COL14A1: variants seen among roughly 807,000 people sequenced by gnomAD.
The protein encoded by COL14A1 is collagen alpha-1(XIV) chain.
Under a neutral mutation model 230.3 loss-of-function variants are expected in COL14A1, and 136 were observed. The observed-to-expected ratio is 0.59, with a 90% CI of 0.51 to 0.68. COL14A1 has a LOEUF of 0.68. COL14A1 is among the 30% of genes least tolerant of loss of function. The pLI is 0.00. For missense variants in COL14A1, 1,976 were observed against 2,215.8 expected, an observed-to-expected ratio of 0.89 and a Z score of 2.17; for synonymous variants, 792 against 784.1, an observed-to-expected ratio of 1.01 and a Z score of -0.17.
rs763142481 is a variant in COL14A1, at chr8:120,345,427, A to T, written c.4941A>T (p.Ser1647=). 4 of 1,599,046 alleles carry T rather than the reference A, an allele frequency of 2.5e-6. No individual in the cohort carries two copies. In the South Asian group the frequency reaches 4.5e-5, roughly 18 times the overall value. Reference sequence around the variant, plus strand: ...TCAACCAGATTCCCAGCCACTCCTCATCCATCCGGACTGTCCAAGGGCCTC... The same window carrying T: ...TCAACCAGATTCCCAGCCACTCCTCTTCCATCCGGACTGTCCAAGGGCCTC... ...AILNQIPSHS[S]SIRTVQGPPG... is the part of the protein sequence containing the mutation. Residue 1647 remains serine, a synonymous_variant, in exon 45 of 48, where the codon TCA becomes TCT. Transcript: ENST00000297848.
At chr8:120,327,721 A>T (rs1821728208) in intron 40 of COL14A1, among the ~76,000 whole-genome samples, 1 of 152,150 alleles carries the variant, frequency 6.6e-6, no homozygotes, top group African/African-American at 2.4e-5. Context: ...TGTGATAAGT[A>T]GAGCAGGAAC....
chr8:120,202,989 A>AACATAT (rs1817299671), intron 8 of COL14A1, among the ~76,000 whole-genome samples: 1 of 106,554 alleles, frequency 9.4e-6, no homozygotes, highest in South Asian at 3.5e-4. Context: ...AATAATTTCA[A>AACATAT]ATATATATAT....
chr8:120,256,582 A>G (rs1036285759), intron 23 of COL14A1, among the ~76,000 whole-genome samples: 1 of 152,170 alleles, frequency 6.6e-6, no homozygotes, highest in Non-Finnish European at 1.5e-5. Context: ...TGGGAGTGGT[A>G]TTAACCTGGA....
intron 45 of COL14A1, among the ~76,000 whole-genome samples, chr8:120,353,834 G>A (rs1274004182): frequency 6.6e-6 from 1 of 151,848 alleles, no homozygotes; most frequent in African/African-American, 2.4e-5. Flanking sequence ...TCGGTGTGGC[G>A]ATTCCTCAGG....
rs905285789 is a variant in COL14A1, at chr8:120,314,145, A to G, written c.4551+118A>G. 2.6e-4 allele frequency: 178 copies of G among 678,596 alleles called. No homozygotes were observed. In the African/African-American group the frequency reaches 3.0e-3, roughly 11 times the overall value. The allele number at this position is 678,596 out of a possible 1,614,324, so 42.0% of individuals were successfully genotyped here. A position where few individuals can be genotyped will look rare whatever the true frequency, so the allele number is the denominator to read the frequency against. The stretch of plus-strand genomic sequence containing the variant: ...ATGAACCTCAGTCCCTTTGAAAGCA[A>G]TGATGGAGTGTCATTTCACTAGTTG... On this transcript the variant is annotated intron_variant, in intron 38 of 47. Transcript: ENST00000297848.
At chr8:120,340,655 G>A (rs7823806) in intron 42 of COL14A1, among the ~76,000 whole-genome samples, 67,131 of 152,066 alleles carry the variant, frequency 0.44, 15,005 homozygotes, top group African/African-American at 0.53. Context: ...CCCTGAAAAT[G>A]CCATTTTTAA....
chr8:120,316,459 C>A (rs551412658), intron 40 of COL14A1, among the ~76,000 whole-genome samples: 1 of 151,998 alleles, frequency 6.6e-6, no homozygotes, highest in African/African-American at 2.4e-5. Flanking sequence ...GACAGTAGTA[C>A]AATAAAGTAT....
chr8:120,344,147 T>C (rs1269243380), intron 44 of COL14A1, among the ~76,000 whole-genome samples: 1 of 152,202 alleles, frequency 6.6e-6, no homozygotes, highest in African/African-American at 2.4e-5. Context: ...AGGCCCTGCC[T>C]GTCAATATAC....
intron 12 of COL14A1, among the ~76,000 whole-genome samples, chr8:120,211,765 A>T (rs1817621847): frequency 6.6e-6 from 1 of 152,070 alleles, no homozygotes; most frequent in African/African-American, 2.4e-5. Flanking sequence ...TAGATTGGAG[A>T]TTTATTTTTT....
chr8:120,245,170 A>G (rs1818725227), intron 20 of COL14A1, among the ~76,000 whole-genome samples: 1 of 152,066 alleles, frequency 6.6e-6, no homozygotes, highest in Non-Finnish European at 1.5e-5. Context: ...TGGCCACCCC[A>G]TGCAAAGTAG....
At chr8:120,150,505 T>G (rs1264951369) in intron 2 of COL14A1, among the ~76,000 whole-genome samples, 1 of 152,176 alleles carries the variant, frequency 6.6e-6, no homozygotes, top group African/African-American at 2.4e-5. Flanking sequence ...AAATCAAGTT[T>G]CTTGATGGAG....
rs539481306 is a variant in COL14A1, at chr8:120,302,482, A to G, written c.4401+1664A>G. Among the ~76,000 whole-genome samples the G allele has an allele frequency of 5.3e-5, 8 of 152,206 alleles. No individual in the cohort carries two copies. The South Asian group carries it at 1.7e-3, about 32-fold the overall frequency. Reference sequence around the variant, plus strand: ...ATGGCTAGCCAGTTATCCCAGTACCATTATTGAATAGGGAATCCTTTCTCC... The same window carrying G: ...ATGGCTAGCCAGTTATCCCAGTACCGTTATTGAATAGGGAATCCTTTCTCC... On this transcript the variant is annotated intron_variant, in intron 36 of 47. Transcript: ENST00000297848.
In COL14A1 at chr8:120,371,429, A is replaced by C; in HGVS notation, c.*198A>C. 2.5e-6 allele frequency: 1 copy of C among 394,096 alleles called. No individual in the cohort carries two copies. The highest frequency in any genetic ancestry group is 4.5e-6 in the Non-Finnish European group (1 of 224,696). 24.4% of individuals were successfully genotyped at this position (394,096 alleles called of 1,614,324 possible). The stretch of plus-strand genomic sequence containing the variant: ...TATTTTTAAAAAGTTCCCTTAATCT[A>C]TGACATGGTAGCAATGATTTCCCTT... On this transcript the variant is annotated 3_prime_UTR_variant, in exon 48 of 48. Coordinates refer to ENST00000297848, the MANE Select transcript of COL14A1 (RefSeq NM_021110.4).
intron 20 of COL14A1, among the ~76,000 whole-genome samples, chr8:120,245,563 C>CT (rs1818735622): frequency 6.6e-6 from 1 of 152,046 alleles, no homozygotes; most frequent in Non-Finnish European, 1.5e-5. Flanking sequence ...AAACAGTGAC[C>CT]ATTTTTTTTT....
chr8:120,175,778 G>A (rs146339071), intron 5 of COL14A1, among the ~76,000 whole-genome samples: 313 of 152,226 alleles, frequency 2.1e-3, no homozygotes, highest in African/African-American at 7.1e-3. Context: ...GTCTTAGAAT[G>A]TTTAAAATTT....
chr8:120,359,874 C>T (rs1046464179), intron 45 of COL14A1, among the ~76,000 whole-genome samples: 3 of 152,130 alleles, frequency 2.0e-5, no homozygotes. Flanking sequence ...CATCTTCTCT[C>T]TCTCTCTCTC....
chr8:120,166,775 G>A (rs952786753), intron 4 of COL14A1, among the ~76,000 whole-genome samples: 5 of 152,068 alleles, frequency 3.3e-5, no homozygotes, highest in Admixed American at 6.6e-5. Context: ...TTCGTGAATA[G>A]TAATAGAGAA....
chr8:120,307,603 G>A (rs1419918712), intron 36 of COL14A1, among the ~76,000 whole-genome samples: 1 of 152,018 alleles, frequency 6.6e-6, no homozygotes, highest in Admixed American at 6.6e-5. Context: ...GGAAAACTGA[G>A]TAAAGTATAT....
chr8:120,255,201 T>G (rs780229028), intron 22 of COL14A1, 39 bp from the exon 23 acceptor site: 1 of 1,491,894 alleles, frequency 6.7e-7, no homozygotes, highest in East Asian at 2.3e-5. Flanking sequence ...TTGTGTGTTG[T>G]CTGCGGTGTG....
Sources: gnomAD v4.1 joint callset for allele counts (sites outside exome capture counted in the v4.1 genomes callset) on GRCh38, gnomAD v4.1.1 for gene constraint, MANE v1.5 for transcripts, NCBI Gene and HGNC (gene_info 2026-07-23, HGNC 2026-07-21) for gene names.